Variants in PRORP observed in about 807,000 individuals in gnomAD.
PRORP encodes protein only RNase P catalytic subunit.
In PRORP, 51 loss-of-function variants were observed where a neutral mutation model predicts 59.4. The ratio of observed to expected loss-of-function variants is 0.86; its 90% CI spans 0.69 to 1.08. The LOEUF (loss-of-function observed/expected upper bound fraction) is 1.08. PRORP is among the 50% of genes least tolerant of loss of function. The pLI, the probability that PRORP is intolerant of heterozygous loss-of-function variation, is 0.00. For synonymous variants in PRORP, 231 were observed against 245.6 expected (o/e 0.94, Z 0.55); for missense variants, 646 against 690.3 (o/e 0.94, Z 0.72).
intron 4 of PRORP, among the ~76,000 whole-genome samples, chr14:35,160,903 C>T (rs997950415): frequency 6.6e-6 from 1 of 152,148 alleles, no homozygotes; most frequent in Admixed American, 6.5e-5. Flanking sequence ...ACAAAGGGAT[C>T]GATCTTACCT....
chr14:35,152,835 C>T (rs535643214), intron 4 of PRORP, among the ~76,000 whole-genome samples: 1 of 151,428 alleles, frequency 6.6e-6, no homozygotes, highest in Non-Finnish European at 1.5e-5. Context: ...AGACGGTGGG[C>T]GGCCGGACAG....
At chr14:35,180,376 A>G (rs944601923) in intron 4 of PRORP, among the ~76,000 whole-genome samples, 16 of 152,190 alleles carry the variant, frequency 1.1e-4, no homozygotes, top group African/African-American at 3.6e-4. Context: ...TTAATTTAGA[A>G]GTCTAGATAG....
At position 35,123,210 on chromosome 14, in the gene PRORP, ATC is replaced by A. The variant is rs1566436641; in HGVS notation, c.-29_-28del. ...GCCATAGAAGAGGGGTTTTTTCAAC[ATC>A]TCTCTCACTATCTGGTGCTGATCTC... On this transcript the variant is annotated 5_prime_UTR_variant, in exon 2 of 8. Transcript: ENST00000534898. 1.3e-6 allele frequency: 2 copies of A among 1,564,906 alleles called. No individual in the cohort carries two copies. The highest frequency in any genetic ancestry group is 1.7e-6 in the Non-Finnish European group (2 of 1,159,366).
chr14:35,125,153 G>C (rs910928055), intron 2 of PRORP, among the ~76,000 whole-genome samples: 1 of 152,056 alleles, frequency 6.6e-6, no homozygotes, highest in Non-Finnish European at 1.5e-5. Context: ...GAACCACCGC[G>C]TCCGGCCTAT....
intron 5 of PRORP, among the ~76,000 whole-genome samples, chr14:35,258,194 G>T (rs911096979): frequency 2.6e-5 from 4 of 152,208 alleles, no homozygotes; most frequent in South Asian, 4.2e-4. Context: ...GTCTCACCAT[G>T]TTGCCCAGGC....
At chr14:35,136,086 C>A (rs1191489547) in intron 4 of PRORP, among the ~76,000 whole-genome samples, 1 of 152,092 alleles carries the variant, frequency 6.6e-6, no homozygotes, top group East Asian at 1.9e-4. Flanking sequence ...AGTCAGACGG[C>A]TGCTGAGTGG....
chr14:35,153,402 G>A (rs904401339), intron 4 of PRORP, among the ~76,000 whole-genome samples: 5 of 63,472 alleles, frequency 7.9e-5, no homozygotes, highest in Non-Finnish European at 2.1e-4. Context: ...GAGGGAGACC[G>A]TGGGGAGAGA....
intron 6 of PRORP, 21 bp downstream of exon 6, chr14:35,266,896 G>T: frequency 1.9e-6 from 3 of 1,613,692 alleles, no homozygotes; most frequent in Non-Finnish European, 2.5e-6. Flanking sequence ...GAGGTAATAG[G>T]TGAATTATAC....
intron 4 of PRORP, among the ~76,000 whole-genome samples, chr14:35,160,350 T>A (rs1403910506): frequency 1.3e-5 from 2 of 152,248 alleles, no homozygotes; most frequent in African/African-American, 4.8e-5. Context: ...CAGGCTACTC[T>A]GTTACTACTG....
chr14:35,262,832 G>A (rs1257540997), intron 5 of PRORP: 7 of 1,467,326 alleles, frequency 4.8e-6, no homozygotes, highest in East Asian at 2.3e-5. Context: ...ACATCCTCAG[G>A]GTTCGGATGA....
intron 4 of PRORP, among the ~76,000 whole-genome samples, chr14:35,172,413 T>TTTCCTTCCTTCCTTCC (rs71121269): frequency 0.019 from 1,428 of 76,606 alleles, 89 homozygotes; most frequent in East Asian, 0.04. Flanking sequence ...GGTTTCTTTC[T>TTTCCTTCCTTCCTTCC]TTCCTTCCTT....
At chr14:35,127,398 CATT>C (rs57818081) in intron 3 of PRORP, 78 bp from the exon 4 acceptor site, 184,158 of 999,754 alleles carry the variant, frequency 0.18, 17,322 homozygotes, top group Middle Eastern at 0.29. Flanking sequence ...TTAATTTCCT[CATT>C]GTTCATTTCA....
chr14:35,233,578 T>C (rs1235668957), intron 5 of PRORP, among the ~76,000 whole-genome samples: 1 of 139,130 alleles, frequency 7.2e-6, no homozygotes, highest in African/African-American at 2.7e-5. Flanking sequence ...GGAGAAATCA[T>C]CCTTTGTATT....
At chr14:35,137,808 A>G (rs535687553) in intron 4 of PRORP, among the ~76,000 whole-genome samples, 3 of 145,374 alleles carry the variant, frequency 2.1e-5, no homozygotes, top group South Asian at 2.3e-4. Context: ...AGTAGTTAAC[A>G]TGGTCTGCAT....
intron 5 of PRORP, among the ~76,000 whole-genome samples, chr14:35,239,948 G>A (rs924660184): frequency 2.0e-5 from 3 of 151,984 alleles, no homozygotes; most frequent in Non-Finnish European, 4.4e-5. Flanking sequence ...GGTGGCGTGC[G>A]CCTGTAGTCC....
intron 5 of PRORP, among the ~76,000 whole-genome samples, chr14:35,261,668 G>A (rs1215378730): frequency 6.6e-6 from 1 of 152,088 alleles, no homozygotes; most frequent in Non-Finnish European, 1.5e-5. Context: ...GGCGGAGGTT[G>A]CAGTGAGCCA....
chr14:35,152,138 ACGAGCATGCT>A (rs921543533), intron 4 of PRORP, among the ~76,000 whole-genome samples: 2 of 152,130 alleles, frequency 1.3e-5, no homozygotes, highest in Non-Finnish European at 2.9e-5. Flanking sequence ...ATGACTCTCA[ACGAGCATGCT>A]GCCTTCAAGC....
Position 35,123,124 on chromosome 14 carries a change from C to T in PRORP, c.-122C>T, listed in dbSNP as rs1400042908. On this transcript the variant is annotated 5_prime_UTR_variant, in exon 2 of 8. Transcript: ENST00000534898. ...TTGATTTGTCTGTAAGGAAGAAACACAAACCTTTTAAAAAGTTCCACTTCG... is the reference window on the plus strand; with the variant it reads ...TTGATTTGTCTGTAAGGAAGAAACATAAACCTTTTAAAAAGTTCCACTTCG... 2.0e-6 allele frequency: 2 copies of T among 1,021,372 alleles called. No individual in the cohort carries two copies. Among genetic ancestry groups the T allele is most frequent in the Admixed American group, 5.0e-5 (2 of 40,060 alleles). 63.3% of individuals were successfully genotyped at this position (1,021,372 alleles called of 1,614,324 possible). A position where few individuals can be genotyped will look rare whatever the true frequency, so the allele number is the denominator to read the frequency against.
chr14:35,243,160 C>T (rs1323957026), intron 5 of PRORP, among the ~76,000 whole-genome samples: 1 of 152,140 alleles, frequency 6.6e-6, no homozygotes, highest in Admixed American at 6.6e-5. Flanking sequence ...AACAAAAGTA[C>T]CTAAGGATTT....
Sources: allele counts gnomAD v4.1 joint callset (sites outside exome capture counted in the v4.1 genomes callset), GRCh38; gene constraint gnomAD v4.1.1; transcripts MANE v1.5; gene names NCBI Gene and HGNC (gene_info 2026-07-23, HGNC 2026-07-21).